BTNL9: variants seen among roughly 807,000 people sequenced by gnomAD.
The protein encoded by BTNL9 is butyrophilin-like protein 9.
BTNL9 carries 45 observed loss-of-function variants against 45.8 expected under a neutral mutation model. The observed-to-expected ratio is 0.98, with a 90% CI of 0.77 to 1.26. BTNL9 has a LOEUF of 1.26. Ranked by LOEUF, BTNL9 falls within the 50% of genes most tolerant of loss-of-function variation. The probability of loss-of-function intolerance (pLI) is 0.00; values close to 1 mark genes in which losing one functional copy is unlikely to be tolerated. For missense variants in BTNL9, 784 were observed against 729.7 expected (o/e 1.07, Z -0.86); for synonymous variants, 346 against 330.8 (o/e 1.05, Z -0.50).
chr5:181,043,048 C>T (rs994317465), intron 1 of BTNL9, among the ~76,000 whole-genome samples: 3 of 152,092 alleles, frequency 2.0e-5, no homozygotes, highest in Non-Finnish European at 4.4e-5. Flanking sequence ...TCACTCAGCT[C>T]CTGGGCCTCC....
At chr5:181,056,545 C>T (rs1350900536) in intron 9 of BTNL9, 3 of 717,422 alleles carry the variant, frequency 4.2e-6, no homozygotes, top group Admixed American at 4.0e-5. Flanking sequence ...CAGAGTGCTT[C>T]GTTTTAGCCA....
In BTNL9 at chr5:181,050,466, T is replaced by C. The variant is rs1032747481; in HGVS notation, c.736+97T>C. On this transcript the variant is annotated intron_variant, in intron 4 of 10. Coordinates refer to ENST00000327705, the MANE Select transcript of BTNL9 (RefSeq NM_152547.5). This position sits in a 1 kb window ranked among gnomAD's most constrained non-coding sequence, Gnocchi z 4.9. ...TATAAAGACACAATGGTACTGCGCC[T>C]GTCTGCATATAGGGTGTGTTGGCCT... 1.4e-6 allele frequency: 2 copies of C among 1,409,758 alleles called. No individual in the cohort carries two copies. Among genetic ancestry groups the C allele is most frequent in the African/African-American group, 2.8e-5 (2 of 70,356 alleles). 87.3% of individuals were successfully genotyped at this position (1,409,758 alleles called of 1,614,324 possible). A position where few individuals can be genotyped will look rare whatever the true frequency, so the allele number is the denominator to read the frequency against.
intron 2 of BTNL9, 92 bp downstream of exon 2, chr5:181,045,690 G>C (rs1037452368): frequency 1.9e-6 from 2 of 1,026,282 alleles, no homozygotes; most frequent in South Asian, 2.6e-5. Flanking sequence ...CAGTACCAGG[G>C]CGTGCCAGAC....
chr5:181,049,487 AAAG>A (rs1300311604), intron 3 of BTNL9, among the ~76,000 whole-genome samples: 11 of 152,222 alleles, frequency 7.2e-5, no homozygotes, highest in Non-Finnish European at 1.3e-4. Flanking sequence ...GCTTTGTAAG[AAAG>A]AAGGAGAAAC....
chr5:181,042,851 T>G lies in BTNL9; in HGVS notation c.-24+2419T>G. 6.6e-6 allele frequency among the ~76,000 whole-genome samples: 1 copy of G among 152,080 alleles called. No homozygotes were observed. The highest frequency in any genetic ancestry group is 1.5e-5 in the Non-Finnish European group (1 of 68,000). On this transcript the variant is annotated intron_variant, in intron 1 of 10. Coordinates refer to ENST00000327705, the MANE Select transcript of BTNL9 (RefSeq NM_152547.5). The surrounding 1 kb of genome is among the most constrained non-coding windows in gnomAD (Gnocchi z 4.5). ...TGTGATGGCAGGTTAGGGTGAGTGTTTGGTCTGTGGCCAGCTGGTTCCTGA... is the reference window on the plus strand; with the variant it reads ...TGTGATGGCAGGTTAGGGTGAGTGTGTGGTCTGTGGCCAGCTGGTTCCTGA...
chr5:181,054,006 G>A, intron 6 of BTNL9: 2 of 1,539,016 alleles, frequency 1.3e-6, no homozygotes, highest in South Asian at 2.4e-5. Flanking sequence ...ACACTAGCAG[G>A]AGGGAGGGCG....
chr5:181,045,132 G>C (rs904138985), intron 1 of BTNL9, among the ~76,000 whole-genome samples: 1 of 152,144 alleles, frequency 6.6e-6, no homozygotes, highest in Admixed American at 6.5e-5. Flanking sequence ...GCCCAGAAAA[G>C]GGGGGGCGCT....
chr5:181,057,217 T>C (rs988426820), intron 9 of BTNL9: 1 of 152,234 alleles, frequency 6.6e-6, no homozygotes, highest in Non-Finnish European at 1.5e-5. Context: ...AAGACCTTCC[T>C]CACACTTAGG....
chr5:181,058,252 G>C, intron 9 of BTNL9, 100 bp from the exon 10 acceptor site: 2 of 1,365,474 alleles, frequency 1.5e-6, no homozygotes, highest in Non-Finnish European at 1.0e-6. Flanking sequence ...GGGGTCATTC[G>C]ATCTGCATGC....
At chr5:181,046,799 A>G (rs1266822973) in intron 2 of BTNL9, among the ~76,000 whole-genome samples, 3 of 152,308 alleles carry the variant, frequency 2.0e-5, no homozygotes, top group African/African-American at 7.2e-5. Context: ...GGAGAGCCGT[A>G]GAGTGGGAAT....
At chr5:181,047,745 G>A (rs1040376905) in intron 2 of BTNL9, among the ~76,000 whole-genome samples, 182 bp from the exon 3 acceptor site, 1 of 152,156 alleles carries the variant, frequency 6.6e-6, no homozygotes, top group Admixed American at 6.5e-5. Flanking sequence ...TTGTTTAATC[G>A]TGCACTCAAC....
chr5:181,059,083 C>T (rs1241160081), intron 10 of BTNL9, 154 bp from the exon 11 acceptor site: 8 of 887,854 alleles, frequency 9.0e-6, no homozygotes, highest in Non-Finnish European at 1.1e-5. Flanking sequence ...CACTTCAGTC[C>T]TGGGGAGGGG....
In BTNL9 at chr5:181,059,539, G is replaced by A; in HGVS notation, c.1285G>A (p.Glu429Lys). The A allele has an allele frequency of 2.5e-6, 4 of 1,608,542 alleles. No individual in the cohort carries two copies. The highest frequency in any genetic ancestry group is 3.4e-6 in the Non-Finnish European group (4 of 1,179,010). Residue 429 changes from glutamate to lysine, a missense_variant, in exon 11 of 11, where the codon GAG (glutamate) becomes AAG (lysine). Transcript: ENST00000327705. Reference sequence around the variant, plus strand: ...GGTGCTGGGGCTGTGGAACGGCTGCGAGTACTTCGTCCTGGCCCCGCACCG... The same window carrying A: ...GGTGCTGGGGCTGTGGAACGGCTGCAAGTACTTCGTCCTGGCCCCGCACCG... ...YWVLGLWNGCEYFVLAPHRVA... is the reference protein window; with the variant it reads ...YWVLGLWNGCKYFVLAPHRVA...
In BTNL9 at chr5:181,050,209, G is replaced by C; in HGVS notation, c.576G>C (p.Gln192His). Reference protein sequence around the residue: ...PKVQWRDHQGQCLPPEFEAIV... With the variant: ...PKVQWRDHQGHCLPPEFEAIV... ...TTCAGTGGAGAGACCACCAGGGACA[G>C]TGCCTGCCTCCAGAGTTTGAAGCCA... Residue 192 changes from glutamine to histidine, a missense_variant, in exon 4 of 11, where the codon CAG becomes CAC. Physicochemically the swap from Gln to His is conservative, Grantham distance 24. Coordinates refer to ENST00000327705, the MANE Select transcript of BTNL9 (RefSeq NM_152547.5). The surrounding 1 kb of genome is among the most constrained non-coding windows in gnomAD (Gnocchi z 4.9). 6.2e-7 allele frequency: 1 copy of C among 1,614,124 alleles called. No homozygotes were observed. The highest frequency in any genetic ancestry group is 8.5e-7 in the Non-Finnish European group (1 of 1,180,042).
chr5:181,058,073 G>C (rs1761973806), intron 9 of BTNL9, among the ~76,000 whole-genome samples: 1 of 152,264 alleles, frequency 6.6e-6, no homozygotes, highest in South Asian at 2.1e-4. Flanking sequence ...TGCTTATAGA[G>C]TCTCTTTACC....
chr5:181,054,772 C>T (rs1761789568), intron 7 of BTNL9: 1 of 985,194 alleles, frequency 1.0e-6, no homozygotes, highest in Non-Finnish European at 1.2e-6. Flanking sequence ...TCAGATGAAA[C>T]TGTAAGGTTG....
At chr5:181,046,072 C>T (rs112912398) in intron 2 of BTNL9, among the ~76,000 whole-genome samples, 190 of 119,832 alleles carry the variant, frequency 1.6e-3, no homozygotes, top group Middle Eastern at 0.017. Flanking sequence ...CAGCCCCCAA[C>T]ACCTCCTCCA....
rs1211262480 is a variant in BTNL9, at chr5:181,055,052, G to C, written c.908-381G>C. On this transcript the variant is annotated intron_variant, in intron 7 of 10. Coordinates refer to ENST00000327705, the MANE Select transcript of BTNL9 (RefSeq NM_152547.5). The surrounding 1 kb of genome is among the most constrained non-coding windows in gnomAD (Gnocchi z 4.4). The stretch of plus-strand genomic sequence containing the variant: ...TCCAGTCCTTCAGATAACGCACCCG[G>C]TGAGTGACCGTGAGGCTCACGTAGG... 2.8e-6 allele frequency: 3 copies of C among 1,058,368 alleles called. No individual in the cohort carries two copies. The allele number at this position is 1,058,368 out of a possible 1,614,324, so 65.6% of individuals were successfully genotyped here.
rs1216115282 is a variant in BTNL9 at position 181,055,048 on chromosome 5, C to T, written c.908-385C>T. 10 of 985,430 alleles carry T rather than the reference C, an allele frequency of 1.0e-5. No homozygotes were observed. The highest frequency in any genetic ancestry group is 1.1e-4 in the East Asian group (1 of 8,814). The allele number at this position is 985,430 out of a possible 1,614,324, so 61.0% of individuals were successfully genotyped here. On this transcript the variant is annotated intron_variant, in intron 7 of 10. Coordinates refer to ENST00000327705, the MANE Select transcript of BTNL9 (RefSeq NM_152547.5). This position sits in a 1 kb window ranked among gnomAD's most constrained non-coding sequence, Gnocchi z 4.4. The stretch of plus-strand genomic sequence containing the variant: ...TCCTTCCAGTCCTTCAGATAACGCA[C>T]CCGGTGAGTGACCGTGAGGCTCACG...
Sources: gnomAD v4.1 joint callset for allele counts (sites outside exome capture counted in the v4.1 genomes callset) on GRCh38, gnomAD v4.1.1 for gene constraint, Gnocchi (gnomAD v3.1) non-coding constraint, MANE v1.5 for transcripts, NCBI Gene and HGNC (gene_info 2026-07-23, HGNC 2026-07-21) for gene names.